Variants in STARD13 observed in about 807,000 individuals in gnomAD.
The protein encoded by STARD13 is StAR related lipid transfer domain containing 13.
A neutral mutation model predicts 106.4 loss-of-function variants in STARD13; 62 were observed. The ratio of observed to expected loss-of-function variants is 0.58; its 90% CI spans 0.48 to 0.72. The LOEUF is 0.72. Among genes scored for constraint, STARD13 ranks in the 30% least tolerant of loss-of-function variants. The probability of loss-of-function intolerance (pLI) is 0.00; values close to 1 mark genes in which losing one functional copy is unlikely to be tolerated. For missense variants in STARD13, 1,387 were observed against 1,424.0 expected (o/e 0.97, Z 0.42); for synonymous variants, 565 against 553.0 (o/e 1.02, Z -0.31).
chr13:33,590,710 G>A, the STARD13 span, among the ~76,000 whole-genome samples: 1 of 108,178 alleles, frequency 9.2e-6, no homozygotes, highest in African/African-American at 3.4e-5. Context: ...GGGGTGGGGG[G>A]AGGGGGGAGG....
Position 33,129,687 on chromosome 13 carries a change from A to C in STARD13, c.990T>G (p.Ser330Arg). 6.2e-7 allele frequency: 1 copy of C among 1,614,000 alleles called. No individual in the cohort carries two copies. The highest frequency in any genetic ancestry group is 8.5e-7 in the Non-Finnish European group (1 of 1,180,000). Residue 330 changes from serine (S) to arginine (R), a missense_variant, in exon 5 of 14, where the codon AGT becomes AGG. Ser to Arg is a moderately radical substitution (Grantham distance 110). Transcript: ENST00000336934. ...TGTGCTCCGACGGGCTGCTCTCGCC[A>C]CTCGACTTGCCAGAGCATGGGAGCC... is the stretch of plus-strand genomic sequence containing the variant. Reference protein sequence around the residue: ...RKGLPCSGKSSGESSPSEHSS... With the variant: ...RKGLPCSGKSRGESSPSEHSS...
the STARD13 span, among the ~76,000 whole-genome samples, chr13:33,366,783 G>A: frequency 6.6e-6 from 1 of 152,170 alleles, no homozygotes; most frequent in Non-Finnish European, 1.5e-5. The surrounding 1 kb of genome is among the most constrained non-coding windows in gnomAD (Gnocchi z 4.2). Context: ...CTGGATTAAT[G>A]CCTTATAAAA....
chr13:33,156,361 G>A (rs901584859), intron 3 of STARD13, among the ~76,000 whole-genome samples: 4 of 152,080 alleles, frequency 2.6e-5, no homozygotes, highest in African/African-American at 7.2e-5. Context: ...CAATAAATCT[G>A]CTACATTTTC....
chr13:33,648,783 CTTTT>C, the STARD13 span, among the ~76,000 whole-genome samples: 2 of 77,010 alleles, frequency 2.6e-5, no homozygotes, highest in African/African-American at 1.2e-4. Context: ...TTTTCTCTTT[CTTTT>C]TTTTTTTTTT....
upstream of STARD13, chr13:33,350,637 T>A: frequency 7.5e-7 from 1 of 1,338,918 alleles, no homozygotes; most frequent in Non-Finnish European, 9.6e-7. Context: ...TATTAACCTC[T>A]GCGCTCGCCA....
intron 1 of STARD13, among the ~76,000 whole-genome samples, chr13:33,208,804 T>C (rs1594108589): frequency 6.6e-6 from 1 of 152,202 alleles, no homozygotes; most frequent in Non-Finnish European, 1.5e-5. Flanking sequence ...AAATTCCATC[T>C]GGAGGAATTT....
chr13:33,358,135 C>T, the STARD13 span, among the ~76,000 whole-genome samples: 4 of 152,232 alleles, frequency 2.6e-5, no homozygotes, highest in African/African-American at 4.8e-5. Context: ...CCAGTGGCTG[C>T]GGAGGGTGTA....
At chr13:33,320,096 G>T (rs1893499608) in intron 1 of STARD13, among the ~76,000 whole-genome samples, 1 of 152,208 alleles carries the variant, frequency 6.6e-6, no homozygotes, top group African/African-American at 2.4e-5. Context: ...CATAAAGGAT[G>T]AAAACAAAGC....
the STARD13 span, among the ~76,000 whole-genome samples, chr13:33,599,472 C>A: frequency 2.0e-5 from 3 of 152,122 alleles, no homozygotes; most frequent in African/African-American, 7.2e-5. Context: ...TTATCAATTT[C>A]CTTATTAATA....
chr13:33,278,199 A>G (rs1356639753), intron 1 of STARD13, among the ~76,000 whole-genome samples: 1 of 152,200 alleles, frequency 6.6e-6, no homozygotes, highest in Non-Finnish European at 1.5e-5. Context: ...TACTTTGTGC[A>G]AGATTTTCCT....
the STARD13 span, among the ~76,000 whole-genome samples, chr13:33,587,455 C>T: frequency 6.6e-6 from 1 of 152,126 alleles, no homozygotes; most frequent in Non-Finnish European, 1.5e-5. Flanking sequence ...TAAGTTTCAT[C>T]AAATTCCTTA....
the STARD13 span, among the ~76,000 whole-genome samples, chr13:33,536,481 G>C: frequency 6.6e-6 from 1 of 152,186 alleles, no homozygotes; most frequent in Non-Finnish European, 1.5e-5. Flanking sequence ...TCCTGAATCT[G>C]AGAATGTTGT....
chr13:33,126,814 T>C (rs1476734442), intron 6 of STARD13, among the ~76,000 whole-genome samples: 1 of 152,214 alleles, frequency 6.6e-6, no homozygotes, highest in African/African-American at 2.4e-5. Flanking sequence ...GAACAATTAC[T>C]GACACATTTT....
At chr13:33,349,479 C>A (rs1272616532) in intron 1 of STARD13, among the ~76,000 whole-genome samples, 1 of 152,150 alleles carries the variant, frequency 6.6e-6, no homozygotes, top group Non-Finnish European at 1.5e-5. Context: ...CCCACTGCAT[C>A]CTTGGCCCTA....
chr13:33,169,845 G>T (rs929522440), intron 1 of STARD13, among the ~76,000 whole-genome samples: 2 of 152,158 alleles, frequency 1.3e-5, no homozygotes, highest in Non-Finnish European at 2.9e-5. Context: ...TCCTGAAGAT[G>T]AAAAGGATAA....
At chr13:33,609,216 A>C in the STARD13 span, among the ~76,000 whole-genome samples, 1 of 152,258 alleles carries the variant, frequency 6.6e-6, no homozygotes, top group Non-Finnish European at 1.5e-5. Context: ...AATGTGTAGA[A>C]ACCACATATA....
the STARD13 span, chr13:33,439,779 G>T: frequency 1.1e-6 from 1 of 938,138 alleles, no homozygotes. Context: ...CTTTTGTGAA[G>T]AATATTGAGT....
At chr13:33,145,900 C>T (rs1350947649) in intron 3 of STARD13, among the ~76,000 whole-genome samples, 2 of 152,152 alleles carry the variant, frequency 1.3e-5, no homozygotes, top group African/African-American at 4.8e-5. Context: ...TGTTCTGTGT[C>T]ACGGCTGGGC....
the STARD13 span, among the ~76,000 whole-genome samples, chr13:33,424,648 G>A: frequency 2.0e-5 from 3 of 152,120 alleles, no homozygotes; most frequent in Non-Finnish European, 2.9e-5. Flanking sequence ...CAGCGTCCGG[G>A]GGCAGTGAGT....
Sources: gnomAD v4.1 joint callset for allele counts (sites outside exome capture counted in the v4.1 genomes callset) on GRCh38, gnomAD v4.1.1 for gene constraint, Gnocchi (gnomAD v3.1) non-coding constraint, MANE v1.5 for transcripts, NCBI Gene and HGNC (gene_info 2026-07-23, HGNC 2026-07-21) for gene names.